Variants in MECOM observed in about 807,000 individuals in gnomAD.
MECOM encodes histone-lysine N-methyltransferase MECOM.
MECOM carries 13 observed loss-of-function variants against 116.3 expected under a neutral mutation model. The ratio of observed to expected loss-of-function variants is 0.11; its 90% confidence interval spans 0.07 to 0.18. The LOEUF (loss-of-function observed/expected upper bound fraction) is 0.18. Among genes scored for constraint, MECOM ranks in the 10% least tolerant of loss-of-function variants. The probability of loss-of-function intolerance (pLI) is 1.00; values close to 1 mark genes in which losing one functional copy is unlikely to be tolerated. For missense variants in MECOM, 1,299 were observed against 1,509.0 expected, an observed-to-expected ratio of 0.86 and a Z score of 2.31; for synonymous variants, 528 against 535.2, an observed-to-expected ratio of 0.99 and a Z score of 0.19.
At chr3:169,228,848 C>CT (rs1301376643) in intron 2 of MECOM, among the ~76,000 whole-genome samples, 2 of 152,144 alleles carry the variant, frequency 1.3e-5, no homozygotes, top group Non-Finnish European at 2.9e-5. Context: ...AAGTTTAAGG[C>CT]TTTTTATGCT....
chr3:169,115,595 G>T lies in MECOM; in HGVS notation c.2277C>A (p.Ser759=). 6.2e-7 allele frequency: 1 copy of T among 1,614,112 alleles called. No individual in the cohort carries two copies. Among genetic ancestry groups the T allele is most frequent in the Non-Finnish European group, 8.5e-7 (1 of 1,180,022 alleles). The part of the protein sequence containing the change: ...KDEKPLTPVP[S]KPPVTPATSQ... Reference sequence around the variant, plus strand: ...TTGTGGCAGGTGTCACTGGAGGCTTGGAGGGGACTGGAGTCAAGGGCTTCT... The same window carrying T: ...TTGTGGCAGGTGTCACTGGAGGCTTTGAGGGGACTGGAGTCAAGGGCTTCT... The change falls in exon 8 of 17, where the codon TCC becomes TCA. Residue 759 remains serine, a synonymous_variant. Transcript: ENST00000651503.
chr3:169,192,590 C>G (rs146110361), intron 2 of MECOM, among the ~76,000 whole-genome samples: 3 of 152,128 alleles, frequency 2.0e-5, no homozygotes, highest in Non-Finnish European at 2.9e-5. Context: ...AACTGCCAAA[C>G]CAGCATTTGC....
intron 1 of MECOM, among the ~76,000 whole-genome samples, chr3:169,430,378 T>C (rs552927561): frequency 4.3e-4 from 65 of 152,192 alleles, no homozygotes; most frequent in Middle Eastern, 3.2e-3. Context: ...GATGACATAG[T>C]ACTACATTAA....
In MECOM at chr3:169,644,248, A is replaced by ATTTATTTATTTG. The variant is rs1224212113; in HGVS notation, c.37+19087_37+19088insCAAATAAATAAA. Among the ~76,000 whole-genome samples the ATTTATTTATTTG allele has an allele frequency of 1.4e-4, 5 of 36,392 alleles. No homozygotes were observed. In the African/African-American group the frequency reaches 1.6e-3, roughly 12 times the overall value. The allele number at this position is 36,392 out of a possible 152,430, so 23.9% of individuals were successfully genotyped here. A position where few individuals can be genotyped will look rare whatever the true frequency, so the allele number is the denominator to read the frequency against. On this transcript the variant is annotated intron_variant, in intron 1 of 16. Coordinates refer to ENST00000651503, the MANE Select transcript of MECOM (RefSeq NM_004991.4). ...ATTTTATTTATTTGTTTATTTATTT[A>ATTTATTTATTTG]TTTATTTATTTATTTATTTATTTAT...
intron 5 of MECOM, among the ~76,000 whole-genome samples, chr3:169,126,177 T>C (rs546496293): frequency 3.9e-4 from 59 of 152,176 alleles, no homozygotes; most frequent in African/African-American, 1.1e-3. Flanking sequence ...AAACTAACAG[T>C]TGGTTTCAGC....
intron 7 of MECOM, among the ~76,000 whole-genome samples, chr3:169,118,022 T>C (rs1406007196): frequency 6.6e-6 from 1 of 152,154 alleles, no homozygotes. Flanking sequence ...GAAGACAAAA[T>C]GCAACAGTTA....
At chr3:169,480,278 A>C (rs943274056) in intron 1 of MECOM, among the ~76,000 whole-genome samples, 2 of 152,158 alleles carry the variant, frequency 1.3e-5, no homozygotes, top group Admixed American at 1.3e-4. Context: ...TCCACCTCAA[A>C]GCATTGGGCT....
At chr3:169,348,981 A>G (rs1725831903) in intron 2 of MECOM, among the ~76,000 whole-genome samples, 1 of 151,854 alleles carries the variant, frequency 6.6e-6, no homozygotes, top group South Asian at 2.1e-4. Flanking sequence ...ACTTCTCTAA[A>G]TACTTCAGGA....
chr3:169,549,025 G>A (rs975772694), intron 1 of MECOM, among the ~76,000 whole-genome samples: 2 of 145,992 alleles, frequency 1.4e-5, no homozygotes, highest in African/African-American at 5.1e-5. Context: ...CTAAGCTGGA[G>A]TGCAGTGGCA....
At chr3:169,634,625 T>C (rs1218586481) in intron 1 of MECOM, among the ~76,000 whole-genome samples, 1 of 152,172 alleles carries the variant, frequency 6.6e-6, no homozygotes, top group Non-Finnish European at 1.5e-5. Flanking sequence ...TCACAAGGCA[T>C]CCAGACATCA....
At chr3:169,325,423 C>G (rs1443391811) in intron 2 of MECOM, among the ~76,000 whole-genome samples, 2 of 152,160 alleles carry the variant, frequency 1.3e-5, no homozygotes, top group African/African-American at 4.8e-5. Flanking sequence ...TTTTAAGGTG[C>G]ATTAAATAGT....
At chr3:169,572,525 T>C (rs1015145607) in intron 1 of MECOM, among the ~76,000 whole-genome samples, 1 of 152,204 alleles carries the variant, frequency 6.6e-6, no homozygotes, top group Non-Finnish European at 1.5e-5. Context: ...TATTCTGCTA[T>C]AAAGACACAT....
chr3:169,466,711 G>T (rs984860942), intron 1 of MECOM, among the ~76,000 whole-genome samples: 1 of 151,940 alleles, frequency 6.6e-6, no homozygotes, highest in Non-Finnish European at 1.5e-5. Context: ...TTGGGGATGG[G>T]GAAAGTTATA....
intron 2 of MECOM, among the ~76,000 whole-genome samples, chr3:169,197,954 A>G (rs1021136076): frequency 1.3e-5 from 2 of 152,032 alleles, no homozygotes; most frequent in Non-Finnish European, 2.9e-5. Context: ...TCTGTGGTAA[A>G]GAACATCTCC....
In MECOM at chr3:169,515,650, C is replaced by A. The variant is rs529307761; in HGVS notation, c.38-134126G>T. 2.0e-5 allele frequency among the ~76,000 whole-genome samples: 3 copies of A among 152,180 alleles called. No homozygotes were observed. The South Asian group carries it at 6.2e-4, about 32-fold the overall frequency. On this transcript the variant is annotated intron_variant, in intron 1 of 16. Transcript: ENST00000651503. The stretch of plus-strand genomic sequence containing the variant: ...AGTAGGCATCATTTTCAGATGAAGT[C>A]CTTTGTATATATGGGCCTAACAATT...
At chr3:169,186,947 T>C (rs1164031383) in intron 2 of MECOM, among the ~76,000 whole-genome samples, 1 of 152,200 alleles carries the variant, frequency 6.6e-6, no homozygotes, top group Non-Finnish European at 1.5e-5. Context: ...CTTGATATAT[T>C]AGTCACTGGT....
chr3:169,147,016 GTCT>G (rs1740127632), intron 2 of MECOM: 1 of 992,012 alleles, frequency 1.0e-6, no homozygotes, highest in South Asian at 4.5e-5. Context: ...AAGAAATGAA[GTCT>G]TCTTTCGTCT....
At chr3:169,481,478 G>A (rs1751275091) in intron 1 of MECOM, among the ~76,000 whole-genome samples, 1 of 151,994 alleles carries the variant, frequency 6.6e-6, no homozygotes, top group Non-Finnish European at 1.5e-5. Context: ...GCTTGAACCT[G>A]GGAGGCAGGG....
At chr3:169,143,070 T>C (rs1226850808) in intron 3 of MECOM, among the ~76,000 whole-genome samples, 2 of 152,072 alleles carry the variant, frequency 1.3e-5, no homozygotes, top group Non-Finnish European at 2.9e-5. Flanking sequence ...ATTTTCATGA[T>C]CTTTATTTCA....
Sources: gnomAD v4.1 joint callset for allele counts (sites outside exome capture counted in the v4.1 genomes callset) on GRCh38, gnomAD v4.1.1 for gene constraint, MANE v1.5 for transcripts, NCBI Gene and HGNC (gene_info 2026-07-23, HGNC 2026-07-21) for gene names.